TMEM209: variants seen among roughly 807,000 people sequenced by gnomAD.
The protein encoded by TMEM209 is transmembrane protein 209.
TMEM209 carries 65 observed loss-of-function variants against 76.2 expected under a neutral mutation model. The ratio of observed to expected loss-of-function variants is 0.85; its 90% CI spans 0.70 to 1.05. TMEM209 has a LOEUF of 1.05. Ranked by LOEUF, TMEM209 falls within the 50% of genes least tolerant of loss-of-function variation. TMEM209 has a pLI of 0.00. For synonymous variants in TMEM209, 239 were observed against 237.6 expected, an observed-to-expected ratio of 1.01 and a Z score of -0.06; for missense variants, 623 against 685.5, an observed-to-expected ratio of 0.91 and a Z score of 1.02.
At chr7:130,168,734 G>A (rs1796956341) in intron 14 of TMEM209, among the ~76,000 whole-genome samples, 1 of 152,118 alleles carries the variant, frequency 6.6e-6, no homozygotes, top group Admixed American at 6.5e-5. Context: ...GAAGGCCAAG[G>A]CAGGTAGATC....
intron 13 of TMEM209, among the ~76,000 whole-genome samples, chr7:130,172,893 G>T (rs1173256888): frequency 8.6e-5 from 13 of 151,136 alleles, no homozygotes; most frequent in Non-Finnish European, 2.9e-5. Context: ...CAGCTACTTG[G>T]GAGGCTGAGG....
intron 5 of TMEM209, among the ~76,000 whole-genome samples, chr7:130,193,982 G>C (rs1039784139): frequency 6.6e-6 from 1 of 151,686 alleles, no homozygotes; most frequent in Non-Finnish European, 1.5e-5. Flanking sequence ...GCGAATCACG[G>C]GGTCAGGAGA....
chr7:130,171,894 G>A (rs529568885), intron 13 of TMEM209, among the ~76,000 whole-genome samples: 7 of 152,188 alleles, frequency 4.6e-5, no homozygotes, highest in East Asian at 1.9e-4. Flanking sequence ...TTAGCCAAGC[G>A]TGGTGGCACG....
In TMEM209 at chr7:130,188,391, T is replaced by G. The variant is rs537753192; in HGVS notation, c.776-3024A>C. Among the ~76,000 whole-genome samples, 9 of 152,050 alleles carry G rather than the reference T, an allele frequency of 5.9e-5. No individual in the cohort carries two copies. The South Asian group carries it at 8.3e-4, about 14-fold the overall frequency. ...GCGGGCGGATCACAAGGTCAGGAGATCGAGACCATCCTGGCTAACATGGTG... is the reference window on the plus strand; with the variant it reads ...GCGGGCGGATCACAAGGTCAGGAGAGCGAGACCATCCTGGCTAACATGGTG... On this transcript the variant is annotated intron_variant, in intron 6 of 14. Coordinates refer to ENST00000397622, the MANE Select transcript of TMEM209 (RefSeq NM_032842.4).
At chr7:130,185,619 C>T (rs1161028596) in intron 6 of TMEM209, among the ~76,000 whole-genome samples, 1 of 152,172 alleles carries the variant, frequency 6.6e-6, no homozygotes, top group South Asian at 2.1e-4. Context: ...CTGTCTAGTT[C>T]TGTTGAAAAG....
intron 5 of TMEM209, 166 bp downstream of exon 5, chr7:130,201,684 A>G: frequency 1.2e-6 from 1 of 836,054 alleles, no homozygotes; most frequent in Non-Finnish European, 1.8e-6. Context: ...TTTCATTTTA[A>G]GATGTTGTGT....
At chr7:130,170,136 A>AT (rs1421217053) in intron 14 of TMEM209, among the ~76,000 whole-genome samples, 1 of 152,188 alleles carries the variant, frequency 6.6e-6, no homozygotes, top group East Asian at 1.9e-4. Context: ...CAAGAGTCTA[A>AT]TTTTTATCTA....
intron 6 of TMEM209, among the ~76,000 whole-genome samples, chr7:130,187,593 C>G (rs2117004081): frequency 6.7e-6 from 1 of 150,272 alleles, no homozygotes; most frequent in Admixed American, 6.6e-5. Flanking sequence ...AGAAAAAAAT[C>G]TGTTCAATGG....
At position 130,202,608 on chromosome 7, in the gene TMEM209, A is replaced by G. The variant is rs1798252739; in HGVS notation, c.255T>C (p.Tyr85=). The change falls in exon 4 of 15, where the codon TAT becomes TAC. Residue 85 remains tyrosine, a synonymous_variant. Coordinates refer to ENST00000397622, the MANE Select transcript of TMEM209 (RefSeq NM_032842.4). Reference sequence around the variant, plus strand: ...TTGTTGGTGCCACAGTATATTTGAAATATCTCCAAAAATCAAATAAGGCAT... The same window carrying G: ...TTGTTGGTGCCACAGTATATTTGAAGTATCTCCAAAAATCAAATAAGGCAT... ...SLNALFDFWR[Y]FKYTVAPTSL... is the part of the protein sequence containing the mutation. 1 of 1,613,960 alleles carries G rather than the reference A, an allele frequency of 6.2e-7. No individual in the cohort carries two copies. The highest frequency in any genetic ancestry group is 1.1e-5 in the South Asian group (1 of 91,076).
chr7:130,173,810 A>G lies in TMEM209; in HGVS notation c.1459+15T>C. ...TGTGAAAATCTCAACACATTCTTTT[A>G]GGAGAGGTTTATACCTGGTTTATTT... On this transcript the variant is annotated intron_variant, in intron 12 of 14. Coordinates refer to ENST00000397622, the MANE Select transcript of TMEM209 (RefSeq NM_032842.4). 2 of 1,610,828 alleles carry G rather than the reference A, an allele frequency of 1.2e-6. No individual in the cohort carries two copies. The highest frequency in any genetic ancestry group is 4.5e-5 in the East Asian group (2 of 44,830).
At chr7:130,190,030 T>C (rs543416482) in intron 6 of TMEM209, among the ~76,000 whole-genome samples, 2 of 152,178 alleles carry the variant, frequency 1.3e-5, no homozygotes, top group East Asian at 3.9e-4. Context: ...AGAATGATAG[T>C]GTCATGTCAA....
chr7:130,184,061 C>A, intron 8 of TMEM209, 123 bp downstream of exon 8: 3 of 606,494 alleles, frequency 4.9e-6, no homozygotes, highest in Non-Finnish European at 8.2e-6. Context: ...ATATATGTAC[C>A]ATTCATACTG....
intron 11 of TMEM209, among the ~76,000 whole-genome samples, chr7:130,174,769 A>G (rs1317687595): frequency 1.3e-5 from 2 of 152,226 alleles, no homozygotes; most frequent in African/African-American, 4.8e-5. Context: ...TGCATGCTGC[A>G]TTACTCAAGA....
rs970297247 is a variant in TMEM209 at position 130,192,782 on chromosome 7, G to T, written c.615C>A (p.Thr205=). The change falls in exon 6 of 15, where the codon ACC becomes ACA. Residue 205 remains threonine (T), a synonymous_variant. Transcript: ENST00000397622. ...FSPSPPSPYP[T]TVGPVESSGL... ...CACTGCTCTCCACTGGTCCAACAGT[G>T]GTAGGGTACGGAGAAGGAGGAGAGG... 5 of 1,613,784 alleles carry T rather than the reference G, an allele frequency of 3.1e-6. No individual in the cohort carries two copies. The highest frequency in any genetic ancestry group is 4.2e-6 in the Non-Finnish European group (5 of 1,179,850).
intron 6 of TMEM209, 36 bp from the exon 7 acceptor site, chr7:130,185,403 T>C (rs1419370829): frequency 1.3e-6 from 2 of 1,587,450 alleles, no homozygotes; most frequent in Non-Finnish European, 8.6e-7. Flanking sequence ...CAGTGTGTTG[T>C]AGCAATTCTG....
In TMEM209 at chr7:130,201,977, C is replaced by G; in HGVS notation, c.446G>C (p.Ser149Thr). ...GCTGGTGGTGAACTTGGGACTGGTA[C>G]TGGGCGAACGAGAAGGGCTATAACT... ...VLSYSPSRSP[S>T]TSPKFTTSCM... is the part of the protein sequence containing the mutation. The change falls in exon 5 of 15, where the codon AGT (serine) becomes ACT (threonine). Residue 149 changes from serine to threonine, a missense_variant. Coordinates refer to ENST00000397622, the MANE Select transcript of TMEM209 (RefSeq NM_032842.4). 1 of 1,613,796 alleles carries G rather than the reference C, an allele frequency of 6.2e-7. No homozygotes were observed.
intron 5 of TMEM209, among the ~76,000 whole-genome samples, chr7:130,199,039 T>G (rs917239177): frequency 6.6e-6 from 1 of 152,184 alleles, no homozygotes; most frequent in African/African-American, 2.4e-5. Flanking sequence ...GTTTTACATT[T>G]TATGATGCTG....
chr7:130,173,215 G>A (rs1174257585), intron 13 of TMEM209, among the ~76,000 whole-genome samples: 1 of 152,050 alleles, frequency 6.6e-6, no homozygotes, highest in Non-Finnish European at 1.5e-5. Flanking sequence ...ACTAGTACGT[G>A]CTTGTAGTCC....
chr7:130,200,149 C>CTA (rs1193970841), intron 5 of TMEM209, among the ~76,000 whole-genome samples: 30 of 151,760 alleles, frequency 2.0e-4, no homozygotes, highest in East Asian at 9.7e-4. Context: ...GTTTCTCTCT[C>CTA]TCTATATATA....
Sources: allele counts gnomAD v4.1 joint callset (sites outside exome capture counted in the v4.1 genomes callset), GRCh38; gene constraint gnomAD v4.1.1; transcripts MANE v1.5; gene names NCBI Gene and HGNC (gene_info 2026-07-23, HGNC 2026-07-21).